Variants in MICALL2 observed in about 807,000 individuals in gnomAD.
MICALL2 encodes the protein MICAL-like protein 2.
Under a neutral mutation model 91.1 loss-of-function variants are expected in MICALL2, and 111 were observed. That is an observed-to-expected ratio of 1.22 (90% confidence interval 1.04 to 1.43). MICALL2 has a LOEUF of 1.43. Ranked by LOEUF, MICALL2 falls within the 40% of genes most tolerant of loss-of-function variation. The pLI, the probability that MICALL2 is intolerant of heterozygous loss-of-function variation, is 0.00. For synonymous variants in MICALL2, 694 were observed against 525.3 expected, an observed-to-expected ratio of 1.32 and a Z score of -4.39; for missense variants, 1,556 against 1,236.0, an observed-to-expected ratio of 1.26 and a Z score of -3.88.
At chr7:1,437,740 G>A (rs1027557203) in intron 13 of MICALL2, 132 bp from the exon 14 acceptor site, 67 of 1,238,278 alleles carry the variant, frequency 5.4e-5, no homozygotes, top group East Asian at 2.5e-4. Context: ...CCCGTCCCCC[G>A]CCTGGCCCAC....
At position 1,434,485 on chromosome 7, in the gene MICALL2, C is replaced by T. The variant is rs1313069647; in HGVS notation, c.*111G>A. The T allele has an allele frequency of 4.1e-6, 4 of 975,770 alleles. No individual in the cohort carries two copies. Among genetic ancestry groups the T allele is most frequent in the Admixed American group, 3.6e-5 (2 of 56,096 alleles). The allele number at this position is 975,770 out of a possible 1,614,324, so 60.4% of individuals were successfully genotyped here. On this transcript the variant is annotated 3_prime_UTR_variant, in exon 17 of 17. Transcript: ENST00000297508. ...CCAAGTCCGAATGCCGGGTCCGGGC[C>T]GAGCCCACGGCCCCGAGTACAAGTC...
At chr7:1,450,471 C>T (rs1780785754) in intron 1 of MICALL2, 183 bp from the exon 2 acceptor site, 9 of 609,486 alleles carry the variant, frequency 1.5e-5, no homozygotes, top group Non-Finnish European at 2.1e-5. Context: ...GCTCCGGCCA[C>T]GGTGATGCTG....
chr7:1,438,678 A>C, intron 10 of MICALL2, 162 bp downstream of exon 10: 1 of 1,449,158 alleles, frequency 6.9e-7, no homozygotes, highest in Non-Finnish European at 9.0e-7. Flanking sequence ...GTCTCTATTC[A>C]TGAGGGCGGG....
At position 1,444,732 on chromosome 7, in the gene MICALL2, G is replaced by A. The variant is rs202033799; in HGVS notation, c.1338C>T (p.Asp446=). ...GPTPSLVLSK[D]SSKEQARNFL... is the part of the protein sequence containing the mutation. ...AGTTCCGCGCCTGCTCCTTGCTGCT[G>A]TCCTTGGATAGAACAAGTGACGGGG... The change falls in exon 6 of 17, where the codon GAC becomes GAT. Residue 446 remains aspartate (D), a synonymous_variant. Coordinates refer to ENST00000297508, the MANE Select transcript of MICALL2 (RefSeq NM_182924.4). The A allele has an allele frequency of 3.5e-5, 57 of 1,612,386 alleles. No individual in the cohort carries two copies. Among genetic ancestry groups the A allele is most frequent in the Non-Finnish European group, 4.3e-5 (51 of 1,179,880 alleles).
intron 16 of MICALL2, 69 bp from the exon 17 acceptor site, chr7:1,434,741 C>T (rs967543287): frequency 2.8e-6 from 4 of 1,438,056 alleles, no homozygotes; most frequent in Admixed American, 4.6e-5. Flanking sequence ...CACACAAGTC[C>T]CCCTGCCAGA....
chr7:1,439,227 G>A (rs1046931390), intron 9 of MICALL2: 4 of 527,388 alleles, frequency 7.6e-6, no homozygotes, highest in South Asian at 5.2e-5. Context: ...AGGTCACACA[G>A]GAAGTGGCAC....
intron 2 of MICALL2, 21 bp downstream of exon 2, chr7:1,450,219 G>A (rs781777559): frequency 2.8e-5 from 45 of 1,609,748 alleles, no homozygotes; most frequent in Non-Finnish European, 3.8e-5. Context: ...CAGCTGTGAG[G>A]CCGGGGCGGG....
chr7:1,453,942 C>G (rs1349062594), intron 1 of MICALL2, among the ~76,000 whole-genome samples: 1 of 152,176 alleles, frequency 6.6e-6, no homozygotes, highest in East Asian at 1.9e-4. Context: ...GTGTCGGTCA[C>G]AAGATTTGCC....
chr7:1,453,357 G>C (rs1460638344), intron 1 of MICALL2, among the ~76,000 whole-genome samples: 1 of 152,184 alleles, frequency 6.6e-6, no homozygotes, highest in African/African-American at 2.4e-5. Context: ...GACAGGGGAA[G>C]AGGATGTGAA....
At chr7:1,453,771 T>A (rs1372175085) in intron 1 of MICALL2, among the ~76,000 whole-genome samples, 1 of 151,888 alleles carries the variant, frequency 6.6e-6, no homozygotes, top group Non-Finnish European at 1.5e-5. Context: ...AGAATTAAAA[T>A]CAGGTATACC....
intron 9 of MICALL2, 136 bp from the exon 10 acceptor site, chr7:1,439,131 T>C (rs552664497): frequency 4.2e-6 from 3 of 713,080 alleles, no homozygotes; most frequent in Admixed American, 2.9e-5. Context: ...TGGCACAGGG[T>C]TGGCATCACA....
chr7:1,444,670 C>T lies in MICALL2; in HGVS notation c.1400G>A (p.Gly467Asp). ...KQALSALEEA[G>D]APAPGRPSPA... is the part of the protein sequence containing the mutation. ...CGCTCACCTGCCAGGCGCCGGAGCG[C>T]CAGCCTCTTCCAGCGCTGAGAGGGC... The change falls in exon 6 of 17, where the codon GGC (glycine) becomes GAC (aspartate). Residue 467 changes from glycine to aspartate, a missense_variant. Coordinates refer to ENST00000297508, the MANE Select transcript of MICALL2 (RefSeq NM_182924.4). 6.2e-7 allele frequency: 1 copy of T among 1,611,066 alleles called. No individual in the cohort carries two copies. The highest frequency in any genetic ancestry group is 8.5e-7 in the Non-Finnish European group (1 of 1,179,742).
At chr7:1,436,690 G>GGACCAGGC (rs1779981666) in intron 15 of MICALL2, 52 bp downstream of exon 15, 2 of 1,413,888 alleles carry the variant, frequency 1.4e-6, no homozygotes, top group Non-Finnish European at 1.9e-6. Context: ...CCGGGAGCAT[G>GGACCAGGC]GACCAGGCGA....
intron 9 of MICALL2, 176 bp from the exon 10 acceptor site, chr7:1,439,171 G>A: frequency 1.7e-6 from 1 of 580,266 alleles, no homozygotes; most frequent in Non-Finnish European, 3.0e-6. Context: ...GCCCAACCTG[G>A]CCATGTCTCC....
intron 3 of MICALL2, among the ~76,000 whole-genome samples, chr7:1,448,213 A>G (rs1424030271): frequency 1.3e-5 from 2 of 152,220 alleles, no homozygotes; most frequent in Non-Finnish European, 2.9e-5. Context: ...AGATGAAGGT[A>G]GGCCCAGGAG....
At chr7:1,449,997 C>A (rs1326352307) in intron 2 of MICALL2, among the ~76,000 whole-genome samples, 2 of 152,110 alleles carry the variant, frequency 1.3e-5, no homozygotes, top group Non-Finnish European at 2.9e-5. Flanking sequence ...TGGCACCTTG[C>A]TCCCCAGCTC....
intron 14 of MICALL2, chr7:1,437,273 T>C: frequency 1.9e-6 from 1 of 521,686 alleles, no homozygotes; most frequent in Non-Finnish European, 3.3e-6. Flanking sequence ...CGTTTAATCC[T>C]CACAACAGCT....
At chr7:1,438,258 G>A (rs1584198499) in intron 11 of MICALL2, 31 bp downstream of exon 11, 15 of 1,588,252 alleles carry the variant, frequency 9.4e-6, no homozygotes, top group Admixed American at 1.8e-5. Flanking sequence ...CGGAGGGCTG[G>A]GCCCCTGCCC....
chr7:1,439,088 G>T, intron 9 of MICALL2, 93 bp from the exon 10 acceptor site: 2 of 1,042,692 alleles, frequency 1.9e-6, no homozygotes, highest in Non-Finnish European at 2.7e-6. Flanking sequence ...TCGCTGGGTA[G>T]CCCGGCCATC....
Sources: gnomAD v4.1 joint callset for allele counts (sites outside exome capture counted in the v4.1 genomes callset) on GRCh38, gnomAD v4.1.1 for gene constraint, MANE v1.5 for transcripts, NCBI Gene and HGNC (gene_info 2026-07-23, HGNC 2026-07-21) for gene names.